CAPZB: variants seen among roughly 807,000 people sequenced by gnomAD.
The protein encoded by CAPZB is F-actin-capping protein subunit beta.
A neutral mutation model predicts 38.1 loss-of-function variants in CAPZB; 2 were observed. That is an observed-to-expected ratio of 0.05 (90% CI 0.02 to 0.17). The LOEUF is 0.17. CAPZB is among the 10% of genes least tolerant of loss of function. The pLI, the probability that CAPZB is intolerant of heterozygous loss-of-function variation, is 1.00. For synonymous variants in CAPZB, 107 were observed against 127.4 expected (o/e 0.84, Z 1.08); for missense variants, 161 against 334.2 (o/e 0.48, Z 4.04).
At chr1:19,451,631 G>A (rs535398829) in intron 1 of CAPZB, among the ~76,000 whole-genome samples, 1 of 152,180 alleles carries the variant, frequency 6.6e-6, no homozygotes, top group South Asian at 2.1e-4. Flanking sequence ...GGGAGACAGA[G>A]GCTCTGGGGA....
chr1:19,463,687 G>A (rs1044439683), intron 1 of CAPZB, among the ~76,000 whole-genome samples: 1 of 152,128 alleles, frequency 6.6e-6, no homozygotes, highest in Non-Finnish European at 1.5e-5. Context: ...CCAGGAGCCA[G>A]GAAGACCACT....
intron 8 of CAPZB, among the ~76,000 whole-genome samples, chr1:19,343,784 G>A (rs1451793877): frequency 6.6e-6 from 1 of 152,250 alleles, no homozygotes. Flanking sequence ...GGCACGAGGT[G>A]GGAAGGATGG....
intron 2 of CAPZB, among the ~76,000 whole-genome samples, chr1:19,396,501 C>G (rs2094270082): frequency 6.6e-6 from 1 of 152,208 alleles, no homozygotes; most frequent in African/African-American, 2.4e-5. Flanking sequence ...TGCTGTGGAG[C>G]TGCCGCTGCC....
At chr1:19,366,285 T>TAAATAA (rs1451533214) in intron 4 of CAPZB, among the ~76,000 whole-genome samples, 6 of 57,822 alleles carry the variant, frequency 1.0e-4, no homozygotes, top group Admixed American at 1.7e-4. Flanking sequence ...TGTCTTAAAA[T>TAAATAA]ATATATATAT....
intron 1 of CAPZB, among the ~76,000 whole-genome samples, chr1:19,432,285 T>C (rs1413538223): frequency 6.6e-6 from 1 of 151,264 alleles, no homozygotes; most frequent in Admixed American, 6.6e-5. Flanking sequence ...CCATCCAAAA[T>C]ACAAAAATTA....
chr1:19,426,868 A>G (rs1294816564), intron 1 of CAPZB, among the ~76,000 whole-genome samples: 4 of 152,252 alleles, frequency 2.6e-5, no homozygotes. Flanking sequence ...TAAATGACAC[A>G]GAAGGATTTG....
Position 19,398,117 on chromosome 1 carries a change from T to G in CAPZB, c.94-12491A>C, listed in dbSNP as rs146620761. Among the ~76,000 whole-genome samples the G allele has an allele frequency of 4.3e-4, 66 of 152,230 alleles. 1 individual carries two copies. In the East Asian group the frequency reaches 0.013, roughly 29 times the overall value. On this transcript the variant is annotated intron_variant, in intron 2 of 8. Coordinates refer to ENST00000264202, the MANE Select transcript of CAPZB (RefSeq NM_004930.5). ...TGGGCAATGGCAACGCAGGGGATAC[T>G]TTAGAATCTGAAAGCCTGTGAAACA... is the stretch of plus-strand genomic sequence containing the variant.
At position 19,380,830 on chromosome 1, in the gene CAPZB, G is replaced by C. The variant is rs541918513; in HGVS notation, c.216-2177C>G. 3.0e-4 allele frequency among the ~76,000 whole-genome samples: 45 copies of C among 152,158 alleles called. No homozygotes were observed. In the Middle Eastern group the frequency reaches 0.017, roughly 58 times the overall value. The stretch of plus-strand genomic sequence containing the variant: ...TTCGGGTTGCTCAGCACCTAGAACA[G>C]TGCCTGGCACTCAACTACACGCTCA... On this transcript the variant is annotated intron_variant, in intron 3 of 8. Coordinates refer to ENST00000264202, the MANE Select transcript of CAPZB (RefSeq NM_004930.5).
intron 2 of CAPZB, among the ~76,000 whole-genome samples, chr1:19,395,117 A>G (rs1048798379): frequency 6.6e-6 from 1 of 152,148 alleles, no homozygotes; most frequent in African/African-American, 2.4e-5. Flanking sequence ...AGCATTTTCT[A>G]CTTCCAGTGG....
At chr1:19,388,678 C>T (rs1213597807) in intron 2 of CAPZB, among the ~76,000 whole-genome samples, 1 of 152,202 alleles carries the variant, frequency 6.6e-6, no homozygotes, top group Non-Finnish European at 1.5e-5. Context: ...CAAGGAGCCA[C>T]AGCATTGGTG....
At position 19,345,204 on chromosome 1, in the gene CAPZB, T is replaced by A. The variant is rs775574370; in HGVS notation, c.637A>T (p.Ile213Phe). The change falls in exon 7 of 9, where the codon ATC becomes TTC. Residue 213 changes from isoleucine (I) to phenylalanine (F), a missense_variant. Physicochemically the swap from Ile to Phe is conservative, Grantham distance 21. Coordinates refer to ENST00000264202, the MANE Select transcript of CAPZB (RefSeq NM_004930.5). ...VSDCSPHIAN[I>F]GRLVEDMENK... ...TCACTCACCTCTACCAGGCGCCCGA[T>A]GTTGGCTATGTGTGGGGAGCAGTCA... 6.2e-7 allele frequency: 1 copy of A among 1,614,030 alleles called. No individual in the cohort carries two copies. The highest frequency in any genetic ancestry group is 1.7e-5 in the Admixed American group (1 of 60,022).
Position 19,355,421 on chromosome 1 carries a change from G to A in CAPZB, c.588+1214C>T, listed in dbSNP as rs145635502. The stretch of plus-strand genomic sequence containing the variant: ...GAGGCAGGAGAATCGCTTGAACCCG[G>A]GAGGCAGAGATTGCAGTGAACCGAG... On this transcript the variant is annotated intron_variant, in intron 6 of 8. Coordinates refer to ENST00000264202, the MANE Select transcript of CAPZB (RefSeq NM_004930.5). 1.9e-3 allele frequency among the ~76,000 whole-genome samples: 292 copies of A among 150,370 alleles called. 3 individuals carry two copies. Among genetic ancestry groups the A allele is most frequent in the African/African-American group, 6.8e-3 (276 of 40,866 alleles).
intron 6 of CAPZB, among the ~76,000 whole-genome samples, chr1:19,347,160 A>C (rs2093966638): frequency 6.6e-6 from 1 of 152,072 alleles, no homozygotes; most frequent in Non-Finnish European, 1.5e-5. Context: ...TTTGTCAAAA[A>C]AGGAAGAATG....
At chr1:19,375,773 C>T (rs1049221952) in intron 4 of CAPZB, among the ~76,000 whole-genome samples, 1 of 152,208 alleles carries the variant, frequency 6.6e-6, no homozygotes, top group East Asian at 1.9e-4. Context: ...CTCCCGGCTC[C>T]TGTGGTTTTC....
At chr1:19,416,114 T>C (rs1033073086) in intron 2 of CAPZB, among the ~76,000 whole-genome samples, 1 of 152,224 alleles carries the variant, frequency 6.6e-6, no homozygotes, top group Non-Finnish European at 1.5e-5. Context: ...GAACCACTAA[T>C]CATAAATGGC....
At chr1:19,439,385 AT>A (rs2094468426) in intron 1 of CAPZB, among the ~76,000 whole-genome samples, 1 of 152,252 alleles carries the variant, frequency 6.6e-6, no homozygotes, top group South Asian at 2.1e-4. Flanking sequence ...AAGTATTTGA[AT>A]TAAAGGTCTT....
chr1:19,384,655 C>T (rs559455023), intron 3 of CAPZB, among the ~76,000 whole-genome samples: 1 of 152,300 alleles, frequency 6.6e-6, no homozygotes, highest in South Asian at 2.1e-4. Context: ...CAGGGTGAAG[C>T]TTCAAGACAA....
intron 1 of CAPZB, among the ~76,000 whole-genome samples, chr1:19,428,002 G>C (rs1381892214): frequency 2.0e-5 from 3 of 152,210 alleles, no homozygotes; most frequent in African/African-American, 4.8e-5. Context: ...GGAGATGGCA[G>C]GGCAACATGA....
chr1:19,430,991 C>A (rs2094439985), intron 1 of CAPZB, among the ~76,000 whole-genome samples: 1 of 152,172 alleles, frequency 6.6e-6, no homozygotes, highest in African/African-American at 2.4e-5. Flanking sequence ...TACCCCTCCA[C>A]CTGTCCAACT....
Sources: gnomAD v4.1 joint callset for allele counts (sites outside exome capture counted in the v4.1 genomes callset) on GRCh38, gnomAD v4.1.1 for gene constraint, MANE v1.5 for transcripts, NCBI Gene and HGNC (gene_info 2026-07-23, HGNC 2026-07-21) for gene names.